DISC1: variants seen among roughly 807,000 people sequenced by gnomAD.
The protein encoded by DISC1 is disrupted in schizophrenia 1 protein.
DISC1 carries 57 observed loss-of-function variants against 84.5 expected under a neutral mutation model. The ratio of observed to expected loss-of-function variants is 0.67; its 90% CI spans 0.55 to 0.84. DISC1 has a LOEUF of 0.84. DISC1 is among the 40% of genes least tolerant of loss of function. The pLI is 0.00. For missense variants in DISC1, 1,000 were observed against 1,057.8 expected (o/e 0.95, Z 0.76); for synonymous variants, 411 against 415.2 (o/e 0.99, Z 0.12).
intron 1 of DISC1, among the ~76,000 whole-genome samples, chr1:231,687,370 A>G (rs908222350): frequency 3.3e-5 from 5 of 152,160 alleles, no homozygotes; most frequent in Non-Finnish European, 7.4e-5. Flanking sequence ...CACTTCTTAC[A>G]TGGTGGCAGC....
chr1:231,919,626 G>A (rs2089873478), intron 9 of DISC1, among the ~76,000 whole-genome samples: 1 of 152,098 alleles, frequency 6.6e-6, no homozygotes. Context: ...GGCTGAGACT[G>A]GACAGAAAGA....
At chr1:231,876,390 T>C (rs12067618) in intron 9 of DISC1, among the ~76,000 whole-genome samples, 1,765 of 152,352 alleles carry the variant, frequency 0.012, 39 homozygotes, top group African/African-American at 0.039. Flanking sequence ...AGCCTCATGC[T>C]GACTGTAAAG....
intron 1 of DISC1, among the ~76,000 whole-genome samples, chr1:231,656,025 T>C (rs1168777896): frequency 6.6e-6 from 1 of 152,218 alleles, no homozygotes; most frequent in Non-Finnish European, 1.5e-5. Flanking sequence ...TTTGCAAATA[T>C]TTTCTCCCAT....
chr1:231,768,333 G>A (rs373323993), intron 5 of DISC1, among the ~76,000 whole-genome samples: 2 of 152,104 alleles, frequency 1.3e-5, no homozygotes, highest in South Asian at 2.1e-4. Context: ...TAGAGTATTC[G>A]TGTTATCTGA....
At chr1:231,871,363 G>A (rs2181311) in intron 9 of DISC1, among the ~76,000 whole-genome samples, 75,941 of 152,082 alleles carry the variant, frequency 0.5, 19,117 homozygotes, top group African/African-American at 0.53. Flanking sequence ...GAGAAGGATA[G>A]GGAGGTGGTT....
intron 9 of DISC1, chr1:231,855,413 A>G: frequency 7.1e-6 from 7 of 985,366 alleles, no homozygotes; most frequent in Middle Eastern, 5.2e-4. Flanking sequence ...CAGTGATAGA[A>G]TGTTCCCCAT....
intron 9 of DISC1, among the ~76,000 whole-genome samples, chr1:231,870,537 G>T (rs1466681271): frequency 6.6e-6 from 1 of 152,174 alleles, no homozygotes; most frequent in Non-Finnish European, 1.5e-5. Flanking sequence ...AGCTCGTTGT[G>T]GGAAGGCGGC....
intron 3 of DISC1, among the ~76,000 whole-genome samples, chr1:231,741,857 C>T (rs1397287589): frequency 6.6e-6 from 1 of 152,242 alleles, no homozygotes; most frequent in Admixed American, 6.5e-5. Flanking sequence ...GACCACTTTT[C>T]ACCACCTGCG....
chr1:231,659,377 C>A (rs1489179461), intron 1 of DISC1, among the ~76,000 whole-genome samples: 2 of 152,030 alleles, frequency 1.3e-5, no homozygotes, highest in Non-Finnish European at 2.9e-5. Context: ...CTCTTTTCCT[C>A]TTTGTTAGTC....
intron 9 of DISC1, among the ~76,000 whole-genome samples, chr1:231,950,356 TA>T (rs936262821): frequency 3.3e-5 from 5 of 151,970 alleles, no homozygotes; most frequent in African/African-American, 1.2e-4. Context: ...CTAAGCAATT[TA>T]AAAAATACTG....
intron 4 of DISC1, among the ~76,000 whole-genome samples, chr1:231,757,692 G>C (rs2075275241): frequency 6.6e-6 from 1 of 152,146 alleles, no homozygotes; most frequent in Non-Finnish European, 1.5e-5. Flanking sequence ...CTTGATTCCT[G>C]TGGGAAGTTC....
At chr1:231,764,602 A>C (rs959763172) in intron 4 of DISC1, among the ~76,000 whole-genome samples, 2 of 152,208 alleles carry the variant, frequency 1.3e-5, no homozygotes, top group African/African-American at 4.8e-5. Context: ...ACCTAATTTT[A>C]GTGGCTGCTT....
At chr1:231,640,171 C>T (rs1352137781) in intron 1 of DISC1, among the ~76,000 whole-genome samples, 1 of 152,152 alleles carries the variant, frequency 6.6e-6, no homozygotes, top group African/African-American at 2.4e-5. Flanking sequence ...TGCTTAATAG[C>T]TGTTTTGCTA....
At chr1:231,986,007 C>T (rs768090751) in intron 10 of DISC1, among the ~76,000 whole-genome samples, 1 of 152,194 alleles carries the variant, frequency 6.6e-6, no homozygotes, top group Non-Finnish European at 1.5e-5. Context: ...ATCCATCAAC[C>T]AGCTAGCTAG....
chr1:231,866,827 T>C (rs2085097203), intron 9 of DISC1: 1 of 882,040 alleles, frequency 1.1e-6, no homozygotes, highest in Non-Finnish European at 1.5e-6. Flanking sequence ...TACGAGGAAA[T>C]GTTGTCATTG....
intron 12 of DISC1, among the ~76,000 whole-genome samples, chr1:232,033,760 G>A (rs1416833406): frequency 6.6e-6 from 1 of 152,154 alleles, no homozygotes; most frequent in Non-Finnish European, 1.5e-5. Context: ...ACAGGGAAAT[G>A]TTTCCAGTGG....
intron 3 of DISC1, among the ~76,000 whole-genome samples, chr1:231,737,774 C>T (rs1432872500): frequency 6.6e-6 from 1 of 152,208 alleles, no homozygotes; most frequent in African/African-American, 2.4e-5. Context: ...CGTTCTCATG[C>T]CTGAGCTGGC....
intron 1 of DISC1, among the ~76,000 whole-genome samples, chr1:231,656,189 G>C (rs941980358): frequency 6.6e-6 from 1 of 151,946 alleles, no homozygotes; most frequent in Non-Finnish European, 1.5e-5. Context: ...TTTTTCCTAG[G>C]TTTTGTTCTA....
intron 10 of DISC1, among the ~76,000 whole-genome samples, chr1:231,972,951 C>T (rs199945574): frequency 2.0e-5 from 3 of 152,174 alleles, no homozygotes; most frequent in East Asian, 1.9e-4. Flanking sequence ...CTCCTCTTTC[C>T]TCTACAACCT....
Sources: gnomAD v4.1 joint callset for allele counts (sites outside exome capture counted in the v4.1 genomes callset) on GRCh38, gnomAD v4.1.1 for gene constraint, MANE v1.5 for transcripts, NCBI Gene and HGNC (gene_info 2026-07-23, HGNC 2026-07-21) for gene names.